ZCCHC7: variants seen among roughly 807,000 people sequenced by gnomAD.
The protein encoded by ZCCHC7 is zinc finger CCHC-type containing 7.
A neutral mutation model predicts 52.0 loss-of-function variants in ZCCHC7; 35 were observed. The ratio of observed to expected loss-of-function variants is 0.67; its 90% confidence interval spans 0.51 to 0.89. ZCCHC7 has a LOEUF of 0.89. ZCCHC7 is among the 40% of genes least tolerant of loss of function. The probability of loss-of-function intolerance (pLI) is 0.00; values close to 1 mark genes in which losing one functional copy is unlikely to be tolerated. For synonymous variants in ZCCHC7, 217 were observed against 221.5 expected (o/e 0.98, Z 0.18); for missense variants, 574 against 649.1 (o/e 0.88, Z 1.26).
chr9:37,276,200 G>A (rs189276068), intron 2 of ZCCHC7, among the ~76,000 whole-genome samples: 8 of 152,128 alleles, frequency 5.3e-5, no homozygotes, highest in Non-Finnish European at 1.0e-4. Context: ...TATTTAAGTC[G>A]TGCTGGAGTT....
chr9:37,266,332 A>C (rs1827106174), intron 2 of ZCCHC7, among the ~76,000 whole-genome samples: 1 of 152,222 alleles, frequency 6.6e-6, no homozygotes, highest in South Asian at 2.1e-4. Context: ...AGACAAAACT[A>C]TGAAACTCAG....
At chr9:37,174,522 A>G (rs1031547306) in intron 2 of ZCCHC7, among the ~76,000 whole-genome samples, 5 of 152,330 alleles carry the variant, frequency 3.3e-5, no homozygotes, top group Admixed American at 2.0e-4. Context: ...ATTAAGTAGA[A>G]AAGCAGAATC....
At chr9:37,202,507 T>C (rs1434931445) in intron 2 of ZCCHC7, among the ~76,000 whole-genome samples, 2 of 152,214 alleles carry the variant, frequency 1.3e-5, no homozygotes, top group African/African-American at 2.4e-5. Context: ...GTAAACTTTT[T>C]TGTTTGTTTT....
intron 2 of ZCCHC7, among the ~76,000 whole-genome samples, chr9:37,182,740 A>AT (rs922429971): frequency 6.6e-6 from 1 of 152,120 alleles, no homozygotes; most frequent in African/African-American, 2.4e-5. Context: ...TTGTGTTGTT[A>AT]TTTTTTGAGG....
chr9:37,309,994 T>G (rs994345705), intron 5 of ZCCHC7, among the ~76,000 whole-genome samples: 1 of 152,104 alleles, frequency 6.6e-6, no homozygotes, highest in African/African-American at 2.4e-5. Context: ...CCTAGACCTC[T>G]GTTTGGCCAG....
chr9:37,232,905 A>G (rs1825473273), intron 2 of ZCCHC7, among the ~76,000 whole-genome samples: 1 of 152,190 alleles, frequency 6.6e-6, no homozygotes, highest in Admixed American at 6.5e-5. Context: ...TTCAGTAATC[A>G]TTTGAACATG....
intron 5 of ZCCHC7, among the ~76,000 whole-genome samples, chr9:37,308,451 A>C (rs751712114): frequency 1.3e-5 from 2 of 152,212 alleles, no homozygotes; most frequent in Non-Finnish European, 2.9e-5. Context: ...TTTAAAAACA[A>C]GAAACTGTAC....
intron 2 of ZCCHC7, among the ~76,000 whole-genome samples, chr9:37,281,391 A>C (rs1433887796): frequency 1.3e-5 from 2 of 152,222 alleles, no homozygotes; most frequent in Admixed American, 6.5e-5. Context: ...AAATTCTCTC[A>C]GTTTTGTGTG....
chr9:37,319,087 A>G (rs1489418101), intron 5 of ZCCHC7, among the ~76,000 whole-genome samples: 5 of 152,008 alleles, frequency 3.3e-5, no homozygotes, highest in East Asian at 1.9e-4. Context: ...ATAGATGTAT[A>G]CTGTCTATCT....
At chr9:37,290,677 TA>T (rs2133626054) in intron 2 of ZCCHC7, among the ~76,000 whole-genome samples, 1 of 152,214 alleles carries the variant, frequency 6.6e-6, no homozygotes, top group African/African-American at 2.4e-5. Context: ...AAGGAATTGA[TA>T]GTACATACTT....
At chr9:37,214,220 T>C (rs1366215465) in intron 2 of ZCCHC7, among the ~76,000 whole-genome samples, 1 of 152,122 alleles carries the variant, frequency 6.6e-6, no homozygotes, top group African/African-American at 2.4e-5. Flanking sequence ...CATTTGAGTA[T>C]ACTATGTAAG....
intron 2 of ZCCHC7, among the ~76,000 whole-genome samples, chr9:37,167,478 A>G (rs1821489052): frequency 6.6e-6 from 1 of 152,172 alleles, no homozygotes; most frequent in Non-Finnish European, 1.5e-5. Flanking sequence ...AGTTGTAACA[A>G]TGGTTTTAAT....
intron 2 of ZCCHC7, among the ~76,000 whole-genome samples, chr9:37,241,081 T>C (rs1369186620): frequency 1.3e-5 from 2 of 151,860 alleles, no homozygotes; most frequent in African/African-American, 2.4e-5. Flanking sequence ...AGGATTGATA[T>C]ACACAATAAG....
intron 2 of ZCCHC7, among the ~76,000 whole-genome samples, chr9:37,142,200 A>G (rs1330159902): frequency 6.6e-6 from 1 of 151,790 alleles, no homozygotes; most frequent in Non-Finnish European, 1.5e-5. Flanking sequence ...AAATGATGTT[A>G]TGATATACTG....
At chr9:37,262,156 G>A (rs895232837) in intron 2 of ZCCHC7, among the ~76,000 whole-genome samples, 2 of 151,716 alleles carry the variant, frequency 1.3e-5, no homozygotes, top group African/African-American at 4.8e-5. Flanking sequence ...ATATTTCAGA[G>A]TTACACATGA....
chr9:37,265,396 A>C (rs923228945), intron 2 of ZCCHC7, among the ~76,000 whole-genome samples: 1 of 152,216 alleles, frequency 6.6e-6, no homozygotes, highest in South Asian at 2.1e-4. Context: ...AGACACTGTC[A>C]GAGATCACGA....
At chr9:37,255,126 C>T (rs999536388) in intron 2 of ZCCHC7, among the ~76,000 whole-genome samples, 12 of 151,742 alleles carry the variant, frequency 7.9e-5, no homozygotes, top group African/African-American at 2.7e-4. Context: ...TACATACATC[C>T]CTATGATAAA....
intron 2 of ZCCHC7, among the ~76,000 whole-genome samples, chr9:37,199,988 G>A (rs1180590751): frequency 1.3e-5 from 2 of 152,342 alleles, no homozygotes; most frequent in Non-Finnish European, 2.9e-5. Flanking sequence ...TTACAGGCGT[G>A]AGCCACTGTG....
chr9:37,348,877 T>G (rs1821186708), intron 6 of ZCCHC7, among the ~76,000 whole-genome samples: 1 of 152,216 alleles, frequency 6.6e-6, no homozygotes, highest in Non-Finnish European at 1.5e-5. Flanking sequence ...TCCCTCTGCC[T>G]AAGATTCTCC....
Sources: allele counts gnomAD v4.1 joint callset (sites outside exome capture counted in the v4.1 genomes callset), GRCh38; gene constraint gnomAD v4.1.1; transcripts MANE v1.5; gene names NCBI Gene and HGNC (gene_info 2026-07-23, HGNC 2026-07-21).